The following FAM227B variants were observed in gnomAD, a reference collection of about 807,000 sequenced individuals.
FAM227B encodes the protein protein FAM227B.
In FAM227B, 88 loss-of-function variants were observed where a neutral mutation model predicts 73.8. The ratio of observed to expected loss-of-function variants is 1.19; its 90% CI spans 1.00 to 1.42. FAM227B has a LOEUF of 1.42. Ranked by LOEUF, FAM227B falls within the 40% of genes most tolerant of loss-of-function variation. FAM227B has a pLI of 0.00. For missense variants in FAM227B, 632 were observed against 590.9 expected (o/e 1.07, Z -0.72); for synonymous variants, 210 against 190.5 (o/e 1.10, Z -0.84).
intron 11 of FAM227B, among the ~76,000 whole-genome samples, chr15:49,491,555 T>C (rs1318887412): frequency 6.6e-6 from 1 of 151,868 alleles, no homozygotes; most frequent in Non-Finnish European, 1.5e-5. Flanking sequence ...AGAATATCTC[T>C]ACTTCCTACT....
At chr15:49,545,366 G>A (rs1471715438) in intron 9 of FAM227B, among the ~76,000 whole-genome samples, 1 of 152,036 alleles carries the variant, frequency 6.6e-6, no homozygotes, top group Non-Finnish European at 1.5e-5. Context: ...GTTTCTAATT[G>A]AGCTTACTTG....
intron 11 of FAM227B, among the ~76,000 whole-genome samples, chr15:49,396,891 TG>T (rs1359789726): frequency 6.6e-6 from 1 of 151,834 alleles, no homozygotes; most frequent in Non-Finnish European, 1.5e-5. Context: ...ACCACAAAGA[TG>T]GGGAAAAAAC....
At chr15:49,567,748 A>G (rs1301337196) in intron 9 of FAM227B, among the ~76,000 whole-genome samples, 2 of 152,112 alleles carry the variant, frequency 1.3e-5, no homozygotes, top group Non-Finnish European at 2.9e-5. Flanking sequence ...ACCCAGGGAC[A>G]TTACTTATTT....
rs751130854 is a variant in FAM227B, at chr15:49,611,169, A to G, written c.105+46T>C. On this transcript the variant is annotated intron_variant, in intron 3 of 15. Coordinates refer to ENST00000299338, the MANE Select transcript of FAM227B (RefSeq NM_152647.3). ...AGCCTTCTAAATCTCCATAACTGATATTTTAAAATGATGTAATGGCACATA... is the reference window on the plus strand; with the variant it reads ...AGCCTTCTAAATCTCCATAACTGATGTTTTAAAATGATGTAATGGCACATA... The G allele has an allele frequency of 5.2e-6, 6 of 1,164,928 alleles. No homozygotes were observed. The South Asian group carries it at 7.8e-5, about 15-fold the overall frequency. 72.2% of individuals were successfully genotyped at this position (1,164,928 alleles called of 1,614,324 possible). A position where few individuals can be genotyped will look rare whatever the true frequency, so the allele number is the denominator to read the frequency against.
chr15:49,353,816 TC>T (rs1481823511), intron 13 of FAM227B: 1 of 152,212 alleles, frequency 6.6e-6, no homozygotes, highest in African/African-American at 2.4e-5. Flanking sequence ...AGCTAATTTA[TC>T]CTTTTAAAAA....
intron 9 of FAM227B, among the ~76,000 whole-genome samples, chr15:49,549,692 A>C (rs1212287064): frequency 2.0e-5 from 3 of 152,162 alleles, no homozygotes; most frequent in Middle Eastern, 3.4e-3. Flanking sequence ...AGTACAGAAC[A>C]AAATGAAAAG....
chr15:49,362,490 C>T (rs915021010), intron 13 of FAM227B, among the ~76,000 whole-genome samples: 2 of 150,810 alleles, frequency 1.3e-5, no homozygotes, highest in Admixed American at 1.3e-4. Flanking sequence ...AGCATGAAAA[C>T]CGACTAATAC....
intron 13 of FAM227B, among the ~76,000 whole-genome samples, chr15:49,349,964 T>C (rs1250212536): frequency 6.6e-6 from 1 of 152,202 alleles, no homozygotes; most frequent in East Asian, 1.9e-4. Flanking sequence ...GATGGGAAAT[T>C]AACTTTGTTG....
intron 11 of FAM227B, among the ~76,000 whole-genome samples, chr15:49,396,769 G>C (rs1158950853): frequency 1.4e-5 from 2 of 146,680 alleles, no homozygotes; most frequent in Non-Finnish European, 3.1e-5. Context: ...TACTCCAACA[G>C]ACCTGCGGCT....
At chr15:49,372,784 T>C (rs1015221893) in intron 11 of FAM227B, among the ~76,000 whole-genome samples, 2 of 152,148 alleles carry the variant, frequency 1.3e-5, no homozygotes, top group African/African-American at 4.8e-5. Context: ...GGTAGACTAA[T>C]CAGATCTAGT....
chr15:49,513,683 C>G (rs1210983311), intron 10 of FAM227B, among the ~76,000 whole-genome samples: 1 of 152,198 alleles, frequency 6.6e-6, no homozygotes, highest in Non-Finnish European at 1.5e-5. Flanking sequence ...TGCCTATGTC[C>G]TGAATGGTAT....
At chr15:49,455,756 G>A (rs186067291) in intron 11 of FAM227B, among the ~76,000 whole-genome samples, 4 of 152,184 alleles carry the variant, frequency 2.6e-5, no homozygotes, top group East Asian at 3.9e-4. Context: ...AAAACAAAAC[G>A]TGCTCCACTT....
At chr15:49,458,989 T>G (rs549130243) in intron 11 of FAM227B, among the ~76,000 whole-genome samples, 19 of 152,136 alleles carry the variant, frequency 1.2e-4, no homozygotes, top group Non-Finnish European at 2.4e-4. Context: ...AAGCAATTCG[T>G]TTGATTGTCC....
chr15:49,331,604 A>C, intron 15 of FAM227B, 176 bp downstream of exon 15: 2 of 549,336 alleles, frequency 3.6e-6, no homozygotes, highest in Non-Finnish European at 6.4e-6. Flanking sequence ...GTTGTCACTA[A>C]ATATGTAAAA....
At chr15:49,350,698 T>C (rs1306089069) in intron 13 of FAM227B, among the ~76,000 whole-genome samples, 1 of 152,176 alleles carries the variant, frequency 6.6e-6, no homozygotes, top group Admixed American at 6.5e-5. Flanking sequence ...CCTTGGTGGG[T>C]CTTCCTGCAC....
intron 11 of FAM227B, among the ~76,000 whole-genome samples, chr15:49,460,463 T>C (rs1032214669): frequency 9.2e-5 from 14 of 152,194 alleles, no homozygotes; most frequent in Admixed American, 3.3e-4. Context: ...GTGCTCAAAT[T>C]AGCTCAAATT....
chr15:49,619,165 AG>A (rs1398422986), intron 1 of FAM227B, among the ~76,000 whole-genome samples: 19 of 152,060 alleles, frequency 1.2e-4, no homozygotes, highest in Non-Finnish European at 2.9e-5. Context: ...ATCTTTTGTG[AG>A]GAAAAAAAAA....
intron 3 of FAM227B, chr15:49,606,197 A>G (rs1269955501): frequency 6.6e-6 from 1 of 152,080 alleles, no homozygotes; most frequent in Non-Finnish European, 1.5e-5. Flanking sequence ...TCTTGCAAGG[A>G]TAGTTGTTCA....
At chr15:49,415,029 CCTAA>C (rs1437386036) in intron 11 of FAM227B, among the ~76,000 whole-genome samples, 4 of 152,152 alleles carry the variant, frequency 2.6e-5, no homozygotes, top group South Asian at 4.2e-4. Flanking sequence ...TGGTGGACTC[CCTAA>C]CTTTCTTTTT....
Sources: gnomAD v4.1 joint callset for allele counts (sites outside exome capture counted in the v4.1 genomes callset) on GRCh38, gnomAD v4.1.1 for gene constraint, MANE v1.5 for transcripts, NCBI Gene and HGNC (gene_info 2026-07-23, HGNC 2026-07-21) for gene names.